TSPEAR: variants seen among roughly 807,000 people sequenced by gnomAD.
TSPEAR encodes thrombospondin-type laminin G domain and EAR repeat-containing protein.
A neutral mutation model predicts 71.6 loss-of-function variants in TSPEAR; 69 were observed. The ratio of observed to expected loss-of-function variants is 0.96; its 90% CI spans 0.79 to 1.18. TSPEAR has a LOEUF of 1.18. Ranked by LOEUF, TSPEAR falls within the 50% of genes most tolerant of loss-of-function variation. The pLI is 0.00. For missense variants in TSPEAR, 971 were observed against 894.9 expected (o/e 1.09, Z -1.09); for synonymous variants, 402 against 387.2 (o/e 1.04, Z -0.45).
intron 1 of TSPEAR, among the ~76,000 whole-genome samples, chr21:44,625,600 T>C (rs1982718689): frequency 6.6e-6 from 1 of 152,250 alleles, no homozygotes; most frequent in Non-Finnish European, 1.5e-5. Flanking sequence ...ATCCCCAGCG[T>C]TCCCACATGC....
Position 44,687,928 on chromosome 21 carries a change from T to C in TSPEAR, c.82+23505A>G, listed in dbSNP as rs1345362702. ...CCCCTGCAGTGCCTGTGAAATATGA[T>C]GCACTGACAGAGGCCGGCTCGGGGG... is the stretch of plus-strand genomic sequence containing the variant. On this transcript the variant is annotated intron_variant, in intron 1 of 11. Transcript: ENST00000323084. The surrounding 1 kb of genome is among the most constrained non-coding windows in gnomAD (Gnocchi z 4.4). Among the ~76,000 whole-genome samples the C allele has an allele frequency of 2.0e-5, 3 of 152,208 alleles. No individual in the cohort carries two copies. The highest frequency in any genetic ancestry group is 7.2e-5 in the African/African-American group (3 of 41,452).
At chr21:44,676,853 T>G (rs1555946959) in intron 1 of TSPEAR, 1 of 947,222 alleles carries the variant, frequency 1.1e-6, no homozygotes, top group Admixed American at 1.7e-5. Context: ...GCTAATGTGA[T>G]GTGCTGCTTT....
At chr21:44,602,015 G>T in intron 1 of TSPEAR, 1 of 565,404 alleles carries the variant, frequency 1.8e-6, no homozygotes, top group Non-Finnish European at 3.2e-6. Flanking sequence ...GGTGTGGGGA[G>T]AAATGAGGGT....
chr21:44,628,054 T>C (rs463217), intron 1 of TSPEAR: 1,187,450 of 1,609,362 alleles, frequency 0.74, 439,324 homozygotes, highest in African/African-American at 0.85. Flanking sequence ...CTGCTGACGG[T>C]CATGTCCCCC....
intron 1 of TSPEAR, among the ~76,000 whole-genome samples, chr21:44,651,854 A>G (rs587685491): frequency 4.4e-4 from 67 of 152,296 alleles, no homozygotes; most frequent in Non-Finnish European, 1.2e-4. Context: ...GACTAAGGGG[A>G]AAAAAATCAA....
At chr21:44,580,400 G>A in intron 1 of TSPEAR, 8 of 1,613,118 alleles carry the variant, frequency 5.0e-6, no homozygotes, top group South Asian at 1.1e-5. Context: ...TGATTGGCAG[G>A]GGCTGGGCTC....
chr21:44,566,193 T>C (rs1302279907), intron 2 of TSPEAR, among the ~76,000 whole-genome samples: 1 of 152,028 alleles, frequency 6.6e-6, no homozygotes, highest in African/African-American at 2.4e-5. Flanking sequence ...ATTAAATAAA[T>C]AAATAACGGT....
intron 1 of TSPEAR, among the ~76,000 whole-genome samples, chr21:44,631,468 G>A (rs1205898064): frequency 6.6e-6 from 1 of 152,182 alleles, no homozygotes; most frequent in African/African-American, 2.4e-5. Context: ...TGTAATCCCA[G>A]CACTTTGGGA....
chr21:44,577,073 G>A (rs1412803377), intron 1 of TSPEAR, among the ~76,000 whole-genome samples: 1 of 152,186 alleles, frequency 6.6e-6, no homozygotes, highest in African/African-American at 2.4e-5. Flanking sequence ...TGGAAATTAT[G>A]AAATATCTGG....
At chr21:44,635,594 T>C (rs977752737) in intron 1 of TSPEAR, among the ~76,000 whole-genome samples, 2 of 152,160 alleles carry the variant, frequency 1.3e-5, no homozygotes, top group Non-Finnish European at 2.9e-5. Flanking sequence ...ACTGCGTCTA[T>C]ATGAAATGTG....
intron 1 of TSPEAR, among the ~76,000 whole-genome samples, chr21:44,609,889 C>T (rs587739412): frequency 6.6e-5 from 10 of 152,208 alleles, no homozygotes; most frequent in South Asian, 2.1e-4. Context: ...GAACTTTTCA[C>T]GGGCCTGGTG....
chr21:44,531,433 C>A (rs1250216228), intron 3 of TSPEAR, among the ~76,000 whole-genome samples: 2 of 152,188 alleles, frequency 1.3e-5, no homozygotes, highest in African/African-American at 4.8e-5. Context: ...CCGACTCTCC[C>A]AGTATCTGTC....
chr21:44,699,587 G>A (rs1044673365), intron 1 of TSPEAR, among the ~76,000 whole-genome samples: 18 of 151,992 alleles, frequency 1.2e-4, no homozygotes, highest in Non-Finnish European at 2.2e-4. Context: ...TGCTCAGGTC[G>A]CTCTCCCTCT....
At chr21:44,667,926 C>A (rs1481489653) in intron 1 of TSPEAR, among the ~76,000 whole-genome samples, 1 of 152,208 alleles carries the variant, frequency 6.6e-6, no homozygotes, top group Non-Finnish European at 1.5e-5. Flanking sequence ...CAACACAATA[C>A]AAGCCATACA....
chr21:44,539,314 G>A lies in TSPEAR; in HGVS notation c.304-5391C>T, dbSNP rs200623181. 9.6e-4 allele frequency: 1,554 copies of A among 1,610,800 alleles called. 12 individuals carry two copies. In the Middle Eastern group the frequency reaches 0.023, roughly 24 times the overall value. On this transcript the variant is annotated intron_variant, in intron 2 of 11. Transcript: ENST00000323084. The stretch of plus-strand genomic sequence containing the variant: ...CTGAGCAGAGGCCTCAGCAGGCCGG[G>A]CGGGAGCACGCGGGGCGGCAGAGGA...
intron 9 of TSPEAR, among the ~76,000 whole-genome samples, chr21:44,515,073 A>G (rs1181625922): frequency 6.6e-6 from 1 of 152,096 alleles, no homozygotes; most frequent in Non-Finnish European, 1.5e-5. Context: ...TCTCTATGGC[A>G]CACACCCACT....
At chr21:44,637,128 C>T (rs1555936846) in intron 1 of TSPEAR, among the ~76,000 whole-genome samples, 1 of 152,186 alleles carries the variant, frequency 6.6e-6, no homozygotes, top group Non-Finnish European at 1.5e-5. Context: ...CACCTTCCCT[C>T]CTGGTGTTCC....
Position 44,563,770 on chromosome 21 carries a change from T to C in TSPEAR, c.303+4015A>G, listed in dbSNP as rs587649879. Among the ~76,000 whole-genome samples the C allele has an allele frequency of 7.2e-5, 11 of 152,350 alleles. No individual in the cohort carries two copies. The East Asian group carries it at 2.1e-3, about 29-fold the overall frequency. On this transcript the variant is annotated intron_variant, in intron 2 of 11. Coordinates refer to ENST00000323084, the MANE Select transcript of TSPEAR (RefSeq NM_144991.3). ...CTAGGGGAAATACAGAGTTTGGTTC[T>C]TGTAATCCTCTGGTCGCAGTTTCAA...
At chr21:44,663,041 T>C (rs189096036) in intron 1 of TSPEAR, among the ~76,000 whole-genome samples, 203 of 151,610 alleles carry the variant, frequency 1.3e-3, no homozygotes, top group African/African-American at 4.6e-3. Flanking sequence ...ATTATCTAAG[T>C]TTGCACTTTA....
Sources: allele counts gnomAD v4.1 joint callset (sites outside exome capture counted in the v4.1 genomes callset), GRCh38; gene constraint gnomAD v4.1.1; non-coding constraint Gnocchi (gnomAD v3.1); transcripts MANE v1.5; gene names NCBI Gene and HGNC (gene_info 2026-07-23, HGNC 2026-07-21).